Variants in GPC2 observed in about 807,000 individuals in gnomAD.
The protein encoded by GPC2 is glypican 2.
Under a neutral mutation model 57.3 loss-of-function variants are expected in GPC2, and 42 were observed. The observed-to-expected ratio is 0.73, with a 90% CI of 0.57 to 0.95. The LOEUF is 0.95. Ranked by LOEUF, GPC2 falls within the 40% of genes least tolerant of loss-of-function variation. The pLI is 0.00. For missense variants in GPC2, 745 were observed against 793.6 expected (o/e 0.94, Z 0.74); for synonymous variants, 364 against 343.4 (o/e 1.06, Z -0.66).
At chr7:100,173,688 C>T in intron 5 of GPC2, 147 bp downstream of exon 5, 1 of 477,096 alleles carries the variant, frequency 2.1e-6, no homozygotes, top group Non-Finnish European at 3.7e-6. Context: ...CTCTCTCTTT[C>T]TTTCTTGAGA....
In GPC2 at chr7:100,176,257, C is replaced by T; in HGVS notation, c.275G>A (p.Ser92Asn). The change falls in exon 2 of 10, where the codon AGC becomes AAC. Residue 92 changes from serine to asparagine, a missense_variant. By Grantham distance (46) the Ser-to-Asn change is conservative. Around this residue, in one of 2 missense-constraint regions of GPC2, gnomAD observed 138 missense variants for 189.8 expected, o/e 0.73. Transcript: ENST00000292377. ...EATFRGLVED[S>N]GSFLVHTLAA... ...CAGTGTGTGAACCAGAAAGGAGCCG[C>T]TGTCCTCCACCAGGCCTCGGAAGGT... The T allele has an allele frequency of 6.2e-7, 1 of 1,613,938 alleles. No individual in the cohort carries two copies. The highest frequency in any genetic ancestry group is 2.2e-5 in the East Asian group (1 of 44,884).
At chr7:100,172,465 A>ATTTTTTTTTTTTTTTTTTTTTT (rs766292878) in intron 5 of GPC2, among the ~76,000 whole-genome samples, 2 of 140,172 alleles carry the variant, frequency 1.4e-5, no homozygotes, top group Non-Finnish European at 3.1e-5. Context: ...GGATTTTAGG[A>ATTTTTTTTTTTTTTTTTTTTTT]TTTTTTTTTT....
chr7:100,172,332 CACAT>C, intron 5 of GPC2, 115 bp from the exon 6 acceptor site: 1 of 1,125,560 alleles, frequency 8.9e-7, no homozygotes, highest in Non-Finnish European at 1.3e-6. Context: ...GGGGGAAACT[CACAT>C]GAGCTCCCTC....
chr7:100,174,090 C>T, intron 4 of GPC2, 93 bp from the exon 5 acceptor site: 2 of 1,160,382 alleles, frequency 1.7e-6, no homozygotes, highest in Non-Finnish European at 2.4e-6. Context: ...TCACATACCC[C>T]ACCCTACACC....
chr7:100,173,179 C>G (rs1216166045), intron 5 of GPC2, among the ~76,000 whole-genome samples: 1 of 152,120 alleles, frequency 6.6e-6, no homozygotes, highest in Non-Finnish European at 1.5e-5. Context: ...GCCGGCCAAG[C>G]TGGTCTTGAA....
In GPC2 at chr7:100,172,213, A is replaced by G. The variant is rs1799191860; in HGVS notation, c.897T>C (p.Gly299=). 2 of 1,613,720 alleles carry G rather than the reference A, an allele frequency of 1.2e-6. No individual in the cohort carries two copies. Among genetic ancestry groups the G allele is most frequent in the East Asian group, 2.2e-5 (1 of 44,884 alleles). ...GGAGCTTATCAGCCAGGATCAGGAG[A>G]CCATCTTAAGGGAGGGAGAGAAAGA... ...LEPDWGNYLD[G]LLILADKLQG... The change falls in exon 6 of 10, where the codon GGT becomes GGC. Residue 299 remains glycine, a synonymous_variant. Transcript: ENST00000292377.
chr7:100,175,521 A>T (rs1391740906), intron 3 of GPC2, 51 bp downstream of exon 3: 6 of 1,444,614 alleles, frequency 4.2e-6, no homozygotes, highest in Non-Finnish European at 5.7e-6. Flanking sequence ...TGCACAGTTC[A>T]GGGGTCACTA....
At position 100,170,310 on chromosome 7, in the gene GPC2, C is replaced by T. The variant is rs377442808; in HGVS notation, c.1660G>A (p.Gly554Arg). 1.4e-5 allele frequency: 23 copies of T among 1,609,570 alleles called. No individual in the cohort carries two copies. Among genetic ancestry groups the T allele is most frequent in the South Asian group, 1.1e-4 (10 of 89,998 alleles). ...GTGTGAAAACCAATAGATGCCCCCC[C>T]ACTCCTGCTCCGGCCCTGGTTGTAG... ...ARYNQGRSRS[G>R]GASIGFHTQT... The change falls in exon 10 of 10, where the codon GGG (glycine) becomes AGG (arginine). Residue 554 changes from glycine (G) to arginine (R), a missense_variant. Physicochemically the swap from Gly to Arg is moderately radical, Grantham distance 125. Transcript: ENST00000292377.
In GPC2 at chr7:100,171,818, C is replaced by T. The variant is rs1168541366; in HGVS notation, c.1131G>A (p.Glu377=). 14 of 1,576,260 alleles carry T rather than the reference C, an allele frequency of 8.9e-6. No homozygotes were observed. Among genetic ancestry groups the T allele is most frequent in the Non-Finnish European group, 1.2e-5 (14 of 1,169,628 alleles). The change falls in exon 7 of 10, where the codon GAG becomes GAA. Residue 377 remains glutamate, a synonymous_variant. Transcript: ENST00000292377. This position sits in a 1 kb window ranked among gnomAD's most constrained non-coding sequence, Gnocchi z 4.8. The part of the protein sequence containing the change: ...GRLWSMVTEE[E]RPTTAAGTNL... ...TGGTGCCTGCGGCCGTCGTGGGCCG[C>T]TCCTCCTCGGTCACCATCGACCACA...
At position 100,171,995 on chromosome 7, in the gene GPC2, C is replaced by G. The variant is rs1799187444; in HGVS notation, c.1024-70G>C. On this transcript the variant is annotated intron_variant, in intron 6 of 9. Coordinates refer to ENST00000292377, the MANE Select transcript of GPC2 (RefSeq NM_152742.3). This position sits in a 1 kb window ranked among gnomAD's most constrained non-coding sequence, Gnocchi z 4.8. ...ACCACACTGCGTCCCCACTCTGACC[C>G]CAGAGTCTCTTCCCAGATCCCCTAT... is the stretch of plus-strand genomic sequence containing the variant. 1 of 1,565,470 alleles carries G rather than the reference C, an allele frequency of 6.4e-7. No individual in the cohort carries two copies.
chr7:100,175,483 T>C (rs1466487693), intron 3 of GPC2, 89 bp downstream of exon 3: 16 of 1,045,492 alleles, frequency 1.5e-5, no homozygotes, highest in Non-Finnish European at 2.2e-5. Context: ...CAGAGGTGAC[T>C]GGAGCACGCC....
In GPC2 at chr7:100,170,381, G is replaced by A. The variant is rs1339463674; in HGVS notation, c.1589C>T (p.Pro530Leu). The A allele has an allele frequency of 1.9e-6, 3 of 1,612,930 alleles. No individual in the cohort carries two copies. The highest frequency in any genetic ancestry group is 3.3e-5 in the Admixed American group (2 of 59,910). Residue 530 changes from proline to leucine, a missense_variant, in exon 10 of 10, where the codon CCT becomes CTT. Coordinates refer to ENST00000292377, the MANE Select transcript of GPC2 (RefSeq NM_152742.3). The part of the protein sequence containing the change: ...PARPPRPPYP[P>L]RRDGSGGKGG... ...TTTGCCCCCAGAACCATCCCTTCTA[G>A]GAGGGTATGGAGGCCGAGGAGGCCG...
At chr7:100,174,491 G>C (rs1277656892) in intron 4 of GPC2, 194 bp downstream of exon 4, 5 of 676,966 alleles carry the variant, frequency 7.4e-6, no homozygotes, top group Non-Finnish European at 1.1e-5. Flanking sequence ...GGGGGTCAGA[G>C]ATCATGGATC....
chr7:100,172,359 C>T (rs1004721428), intron 5 of GPC2, 142 bp from the exon 6 acceptor site: 1 of 887,068 alleles, frequency 1.1e-6, no homozygotes, highest in Non-Finnish European at 1.7e-6. Context: ...ATGTATCCCC[C>T]CAATTTGGCT....
At chr7:100,175,347 G>A (rs1357766640) in intron 3 of GPC2, among the ~76,000 whole-genome samples, 5 of 152,198 alleles carry the variant, frequency 3.3e-5, no homozygotes, top group African/African-American at 7.2e-5. Flanking sequence ...AATGGGAGGT[G>A]GCAGGGGTGG....
chr7:100,175,495 G>T, intron 3 of GPC2, 77 bp downstream of exon 3: 1 of 1,205,726 alleles, frequency 8.3e-7, no homozygotes, highest in Non-Finnish European at 1.2e-6. Context: ...GAGCACGCCA[G>T]TTTGGAGGTG....
rs1288694797 is a variant in GPC2 at position 100,171,359 on chromosome 7, G to A, written c.1388C>T (p.Pro463Leu). ...CCGACGCCGCCGTGTCGGGACATCGGGGCCCGAGGCGTCCACCTTGAGCTC... is the reference window on the plus strand; with the variant it reads ...CCGACGCCGCCGTGTCGGGACATCGAGGCCCGAGGCGTCCACCTTGAGCTC... The part of the protein sequence containing the change: ...NPELKVDASG[P>L]DVPTRRRRLQ... The change falls in exon 9 of 10, where the codon CCC becomes CTC. Residue 463 changes from proline to leucine, a missense_variant. By Grantham distance (98) the Pro-to-Leu change is moderately conservative. Coordinates refer to ENST00000292377, the MANE Select transcript of GPC2 (RefSeq NM_152742.3). This position sits in a 1 kb window ranked among gnomAD's most constrained non-coding sequence, Gnocchi z 4.8. The A allele has an allele frequency of 1.9e-6, 3 of 1,544,246 alleles. No homozygotes were observed. The highest frequency in any genetic ancestry group is 2.0e-5 in the Admixed American group (1 of 51,030).
chr7:100,172,055 G>A (rs200995855), intron 6 of GPC2, 32 bp downstream of exon 6: 4 of 1,612,584 alleles, frequency 2.5e-6, no homozygotes, highest in East Asian at 4.5e-5. Flanking sequence ...TCCCCGCCCC[G>A]GGCCTCACCT....
chr7:100,171,897 G>T lies in GPC2; in HGVS notation c.1052C>A (p.Pro351Gln). The stretch of plus-strand genomic sequence containing the variant: ...GGCTCGACGGTTGCGGGCAGGCACC[G>T]GGTCGGGGGGGCCGCACTCCTGAAA... ...QVFQECGPPD[P>Q]VPARNRRAPP... Residue 351 changes from proline (P) to glutamine (Q), a missense_variant, in exon 7 of 10, where the codon CCG becomes CAG. Around this residue, in one of 2 missense-constraint regions of GPC2, gnomAD observed 607 missense variants for 603.9 expected, o/e 1.01. Coordinates refer to ENST00000292377, the MANE Select transcript of GPC2 (RefSeq NM_152742.3). The surrounding 1 kb of genome is among the most constrained non-coding windows in gnomAD (Gnocchi z 4.8). 1 of 1,499,062 alleles carries T rather than the reference G, an allele frequency of 6.7e-7. No homozygotes were observed. Among genetic ancestry groups the T allele is most frequent in the Non-Finnish European group, 8.9e-7 (1 of 1,129,312 alleles). The allele number at this position is 1,499,062 out of a possible 1,614,324, so 92.9% of individuals were successfully genotyped here. A position where few individuals can be genotyped will look rare whatever the true frequency, so the allele number is the denominator to read the frequency against.
Sources: allele counts gnomAD v4.1 joint callset (sites outside exome capture counted in the v4.1 genomes callset), GRCh38; gene constraint gnomAD v4.1.1; regional missense constraint gnomAD v4.1.1; non-coding constraint Gnocchi (gnomAD v3.1); transcripts MANE v1.5; gene names NCBI Gene and HGNC (gene_info 2026-07-23, HGNC 2026-07-21).